The following STAC variants were observed in gnomAD, a reference collection of about 807,000 sequenced individuals.
STAC encodes SH3 and cysteine-rich domain-containing protein.
In STAC, 43 loss-of-function variants were observed where a neutral mutation model predicts 48.8. The observed-to-expected ratio is 0.88, with a 90% confidence interval of 0.69 to 1.14. The LOEUF (loss-of-function observed/expected upper bound fraction) is 1.14, where lower values mean the gene tolerates loss of function less well. Ranked by LOEUF, STAC falls within the 50% of genes most tolerant of loss-of-function variation. The pLI is 0.00. For synonymous variants in STAC, 193 were observed against 179.5 expected (o/e 1.07, Z -0.60); for missense variants, 497 against 504.0 (o/e 0.99, Z 0.13).
intron 2 of STAC, among the ~76,000 whole-genome samples, chr3:36,464,950 G>A (rs57263297): frequency 0.031 from 4,752 of 151,668 alleles, 223 homozygotes; most frequent in African/African-American, 0.11. Flanking sequence ...TGTCTTTTTC[G>A]TATCATGACT....
At chr3:36,501,288 T>C (rs1396533341) in intron 6 of STAC, among the ~76,000 whole-genome samples, 1 of 151,962 alleles carries the variant, frequency 6.6e-6, no homozygotes, top group Non-Finnish European at 1.5e-5. Context: ...AACACTATAC[T>C]TAAGGAAAAT....
At chr3:36,419,359 T>C (rs557861212) in intron 1 of STAC, among the ~76,000 whole-genome samples, 1 of 152,326 alleles carries the variant, frequency 6.6e-6, no homozygotes, top group South Asian at 2.1e-4. Flanking sequence ...CATTAACGTT[T>C]ACTATGCAGA....
In STAC at chr3:36,482,878, A is replaced by C. The variant is rs1288725476; in HGVS notation, c.389-114A>C. 4 of 676,670 alleles carry C rather than the reference A, an allele frequency of 5.9e-6. No homozygotes were observed. The African/African-American group carries it at 7.3e-5, about 12-fold the overall frequency. The allele number at this position is 676,670 out of a possible 1,614,324, so 41.9% of individuals were successfully genotyped here. On this transcript the variant is annotated intron_variant, in intron 2 of 10. Transcript: ENST00000273183. ...ATTTTTTTTCTATTTTGAAAGCTTC[A>C]TGAAAAAGTTGTAGGAAAGAATTAC...
chr3:36,435,470 G>A (rs1054714736), intron 1 of STAC, among the ~76,000 whole-genome samples: 10 of 151,632 alleles, frequency 6.6e-5, no homozygotes, highest in Admixed American at 3.3e-4. Context: ...CTTATGCATC[G>A]TCAGATTTAA....
intron 8 of STAC, among the ~76,000 whole-genome samples, chr3:36,519,334 T>A (rs1380536883): frequency 6.6e-6 from 1 of 152,210 alleles, no homozygotes; most frequent in Admixed American, 6.5e-5. Flanking sequence ...CATATTCCAG[T>A]GAGAAAATGT....
chr3:36,520,101 T>A (rs574026899), intron 8 of STAC, among the ~76,000 whole-genome samples: 1 of 152,294 alleles, frequency 6.6e-6, no homozygotes, highest in African/African-American at 2.4e-5. Context: ...TTTCAAAGTC[T>A]TTCATAATTT....
chr3:36,447,009 G>C (rs1696526179), intron 2 of STAC, among the ~76,000 whole-genome samples: 1 of 152,144 alleles, frequency 6.6e-6, no homozygotes. Context: ...CTTATGAAAG[G>C]GATTTGTTGT....
intron 7 of STAC, among the ~76,000 whole-genome samples, chr3:36,505,340 C>T (rs1021547984): frequency 5.3e-5 from 8 of 152,104 alleles, no homozygotes; most frequent in South Asian, 2.1e-4. Context: ...ACCAACTTTT[C>T]GGCTAACTGA....
At chr3:36,494,557 G>A (rs1318371664) in intron 6 of STAC, among the ~76,000 whole-genome samples, 2 of 152,030 alleles carry the variant, frequency 1.3e-5, no homozygotes, top group Admixed American at 6.6e-5. Flanking sequence ...CTTTAGTTAG[G>A]ACTATGCCTG....
intron 1 of STAC, among the ~76,000 whole-genome samples, chr3:36,438,615 A>G (rs1332586976): frequency 1.3e-5 from 2 of 152,224 alleles, no homozygotes; most frequent in Non-Finnish European, 2.9e-5. Context: ...CTTCCAAAAC[A>G]AATTCTCCAG....
At chr3:36,442,479 T>C (rs367999617) in intron 1 of STAC, among the ~76,000 whole-genome samples, 103 of 152,274 alleles carry the variant, frequency 6.8e-4, no homozygotes, top group Middle Eastern at 3.4e-3. Context: ...ACTGTGGGGA[T>C]GGACAGAGCA....
At chr3:36,429,369 T>C (rs767758300) in intron 1 of STAC, among the ~76,000 whole-genome samples, 1 of 152,292 alleles carries the variant, frequency 6.6e-6, no homozygotes, top group African/African-American at 2.4e-5. Flanking sequence ...AGAGAACACA[T>C]GAGGGGCGCC....
intron 8 of STAC, among the ~76,000 whole-genome samples, chr3:36,526,419 A>G (rs1698937910): frequency 6.6e-6 from 1 of 152,186 alleles, no homozygotes; most frequent in Non-Finnish European, 1.5e-5. Flanking sequence ...TCTAAGCCTT[A>G]GAGGCATCAT....
intron 8 of STAC, among the ~76,000 whole-genome samples, chr3:36,519,485 C>A (rs1319044071): frequency 1.3e-5 from 2 of 152,176 alleles, no homozygotes; most frequent in Non-Finnish European, 2.9e-5. Flanking sequence ...CACTTTTGAT[C>A]CTAGGTTCAT....
chr3:36,417,296 C>T (rs1195050409), intron 1 of STAC, among the ~76,000 whole-genome samples: 1 of 152,158 alleles, frequency 6.6e-6, no homozygotes, highest in Admixed American at 6.5e-5. Context: ...AACCCAAAGG[C>T]CTAGTAGTGT....
intron 1 of STAC, among the ~76,000 whole-genome samples, chr3:36,404,880 T>C (rs1700061318): frequency 6.6e-6 from 1 of 152,074 alleles, no homozygotes; most frequent in Admixed American, 6.6e-5. Context: ...GATGATATTA[T>C]AAATTATATA....
intron 2 of STAC, among the ~76,000 whole-genome samples, chr3:36,480,556 T>A (rs1421335095): frequency 1.3e-5 from 2 of 152,174 alleles, no homozygotes; most frequent in Non-Finnish European, 2.9e-5. Context: ...CCCAACGTCA[T>A]CTTCATGTAG....
intron 10 of STAC, among the ~76,000 whole-genome samples, chr3:36,545,906 T>C (rs1699433627): frequency 6.6e-6 from 1 of 152,216 alleles, no homozygotes; most frequent in Non-Finnish European, 1.5e-5. Flanking sequence ...TCACAGTGAC[T>C]CTTCAGAGGG....
intron 2 of STAC, among the ~76,000 whole-genome samples, chr3:36,454,863 G>A (rs939128253): frequency 5.3e-5 from 8 of 152,248 alleles, no homozygotes; most frequent in Middle Eastern, 3.4e-3. Flanking sequence ...AAAGGAAAGA[G>A]GCTGTCTCTC....
Sources: allele counts gnomAD v4.1 joint callset (sites outside exome capture counted in the v4.1 genomes callset), GRCh38; gene constraint gnomAD v4.1.1; transcripts MANE v1.5; gene names NCBI Gene and HGNC (gene_info 2026-07-23, HGNC 2026-07-21).